PEA15: variants seen among roughly 807,000 people sequenced by gnomAD.
PEA15 encodes the protein astrocytic phosphoprotein PEA-15.
For missense variants in PEA15, 77 were observed against 161.3 expected (o/e 0.48, Z 2.83); for synonymous variants, 60 against 61.8 (o/e 0.97, Z 0.13).
Position 160,208,449 on chromosome 1 carries a change from G to T in PEA15, c.-3+2927G>T, listed in dbSNP as rs1654699667. 1.5e-6 allele frequency: 1 copy of T among 657,578 alleles called. No individual in the cohort carries two copies. The highest frequency in any genetic ancestry group is 2.6e-6 in the Non-Finnish European group (1 of 379,516). 40.7% of individuals were successfully genotyped at this position (657,578 alleles called of 1,614,324 possible). A position where few individuals can be genotyped will look rare whatever the true frequency, so the allele number is the denominator to read the frequency against. The stretch of plus-strand genomic sequence containing the variant: ...GCTCCGGTTCCTGATTCCTGCCCTG[G>T]TATCCTGTCCCAAGAATGGCCTCCG... On this transcript the variant is annotated intron_variant, in intron 1 of 3. Coordinates refer to ENST00000360472, the MANE Select transcript of PEA15 (RefSeq NM_003768.5). This position sits in a 1 kb window ranked among gnomAD's most constrained non-coding sequence, Gnocchi z 4.1.
chr1:160,212,646 A>G (rs1174581937), intron 2 of PEA15, among the ~76,000 whole-genome samples: 1 of 151,912 alleles, frequency 6.6e-6, no homozygotes, highest in Non-Finnish European at 1.5e-5. Context: ...ACCTTCTCTC[A>G]TTTAGAATAA....
chr1:160,214,505 T>A lies in PEA15; in HGVS notation c.*1019T>A, dbSNP rs904827115. ...CTGGCCCCCTGGGCTTGTGAACACC[T>A]CCTAGCCACATCACTACAGTACAGT... On this transcript the variant is annotated 3_prime_UTR_variant, in exon 4 of 4. Transcript: ENST00000360472. The A allele has an allele frequency of 5.2e-4, 79 of 152,466 alleles. No homozygotes were observed. Among genetic ancestry groups the A allele is most frequent in the African/African-American group, 1.8e-3 (73 of 41,360 alleles). 9.4% of individuals were successfully genotyped at this position (152,466 alleles called of 1,614,324 possible). A position where few individuals can be genotyped will look rare whatever the true frequency, so the allele number is the denominator to read the frequency against.
intron 2 of PEA15, among the ~76,000 whole-genome samples, chr1:160,212,251 G>T (rs1440763794): frequency 1.3e-5 from 2 of 152,058 alleles, no homozygotes; most frequent in Non-Finnish European, 2.9e-5. Flanking sequence ...TGAAAGGTGA[G>T]TGGGATTTCT....
At position 160,208,156 on chromosome 1, in the gene PEA15, A is replaced by G. The variant is rs1348970989; in HGVS notation, c.-3+2634A>G. On this transcript the variant is annotated intron_variant, in intron 1 of 3. Coordinates refer to ENST00000360472, the MANE Select transcript of PEA15 (RefSeq NM_003768.5). The surrounding 1 kb of genome is among the most constrained non-coding windows in gnomAD (Gnocchi z 4.1). ...TCCACAGGTGGTTATCCCAATTGCC[A>G]GGCTTCTCAAAGCACTCCCAGGGCC... 3.2e-5 allele frequency: 5 copies of G among 156,706 alleles called. No homozygotes were observed. The highest frequency in any genetic ancestry group is 7.0e-5 in the Non-Finnish European group (5 of 71,184). The allele number at this position is 156,706 out of a possible 1,614,324, so 9.7% of individuals were successfully genotyped here. A position where few individuals can be genotyped will look rare whatever the true frequency, so the allele number is the denominator to read the frequency against.
Position 160,211,376 on chromosome 1 carries a change from C to G in PEA15, c.-2-167C>G, listed in dbSNP as rs550963630. ...AGCTTCCCGTCTACCCTGACTGCCT[C>G]CCCTAGGTCTTCCTTTTCTCCCTCC... On this transcript the variant is annotated intron_variant, in intron 1 of 3. Coordinates refer to ENST00000360472, the MANE Select transcript of PEA15 (RefSeq NM_003768.5). 138 of 1,316,480 alleles carry G rather than the reference C, an allele frequency of 1.0e-4. No homozygotes were observed. In the African/African-American group the frequency reaches 1.4e-3, roughly 14 times the overall value. 81.5% of individuals were successfully genotyped at this position (1,316,480 alleles called of 1,614,324 possible).
At position 160,213,811 on chromosome 1, in the gene PEA15, C is replaced by A. The variant is rs188325001; in HGVS notation, c.*325C>A. 2.0e-3 allele frequency: 634 copies of A among 319,814 alleles called. 7 individuals carry two copies. Among genetic ancestry groups the A allele is most frequent in the African/African-American group, 0.012 (561 of 47,312 alleles). The allele number at this position is 319,814 out of a possible 1,614,324, so 19.8% of individuals were successfully genotyped here. On this transcript the variant is annotated 3_prime_UTR_variant, in exon 4 of 4. Transcript: ENST00000360472. The surrounding 1 kb of genome is among the most constrained non-coding windows in gnomAD (Gnocchi z 5.3). ...CCTACTTCCCTTTCCTCCACTCCCC[C>A]CATATCTTTAAAGTGTGGAAGCAGA...
rs1654529406 is a variant in PEA15, at chr1:160,205,543, A to C, written c.-3+21A>C. On this transcript the variant is annotated intron_variant, in intron 1 of 3. Transcript: ENST00000360472. The surrounding 1 kb of genome is among the most constrained non-coding windows in gnomAD (Gnocchi z 5.9). ...AGGCGGTGAGAGGGGCGGAGAGGAG[A>C]CATGTCGCGGGGAAGGGGCAGATTT... 1 of 154,896 alleles carries C rather than the reference A, an allele frequency of 6.5e-6. No homozygotes were observed. The highest frequency in any genetic ancestry group is 1.4e-5 in the Non-Finnish European group (1 of 69,500). The allele number at this position is 154,896 out of a possible 1,614,324, so 9.6% of individuals were successfully genotyped here.
intron 2 of PEA15, among the ~76,000 whole-genome samples, chr1:160,212,176 C>G (rs143171029): frequency 6.6e-6 from 1 of 152,132 alleles, no homozygotes; most frequent in East Asian, 1.9e-4. Flanking sequence ...GGAGTGGGAT[C>G]TATGGATTAG....
At position 160,213,328 on chromosome 1, in the gene PEA15, A is replaced by T. The variant is rs1654953443; in HGVS notation, c.328+63A>T. ...TCGTCCCGTTGACTATCCTTGGAGT[A>T]CTTGAGTTTTGGGAGAGTGGAGGCA... On this transcript the variant is annotated intron_variant, in intron 3 of 3. Transcript: ENST00000360472. This position sits in a 1 kb window ranked among gnomAD's most constrained non-coding sequence, Gnocchi z 5.3. 29 of 1,612,712 alleles carry T rather than the reference A, an allele frequency of 1.8e-5. No individual in the cohort carries two copies. The highest frequency in any genetic ancestry group is 2.5e-5 in the Non-Finnish European group (29 of 1,178,846).
intron 1 of PEA15, among the ~76,000 whole-genome samples, chr1:160,211,049 C>T (rs1314720407): frequency 2.0e-5 from 3 of 152,150 alleles, no homozygotes. Context: ...GAAGCTAGAA[C>T]ACATGAGTTC....
intron 2 of PEA15, among the ~76,000 whole-genome samples, chr1:160,212,489 G>A (rs74125504): frequency 0.016 from 2,437 of 152,138 alleles, 57 homozygotes; most frequent in African/African-American, 0.055. Context: ...TGTGTGGCTG[G>A]CAGGGAGAAC....
chr1:160,213,378 T>A lies in PEA15; in HGVS notation c.329-44T>A. 1.9e-6 allele frequency: 3 copies of A among 1,612,282 alleles called. No homozygotes were observed. Among genetic ancestry groups the A allele is most frequent in the Non-Finnish European group, 2.5e-6 (3 of 1,178,314 alleles). On this transcript the variant is annotated intron_variant, in intron 3 of 3. Coordinates refer to ENST00000360472, the MANE Select transcript of PEA15 (RefSeq NM_003768.5). The surrounding 1 kb of genome is among the most constrained non-coding windows in gnomAD (Gnocchi z 5.3). ...AGATGCCCAATGGGCCTGCCTGGCA[T>A]CTCCCACACTGCTGTCCCTGGACAC...
rs8192602 is a variant in PEA15 at position 160,211,719 on chromosome 1, G to C, written c.172+3G>C. 10 of 1,612,032 alleles carry C rather than the reference G, an allele frequency of 6.2e-6. No homozygotes were observed. The highest frequency in any genetic ancestry group is 3.3e-5 in the South Asian group (3 of 90,804). ...GAGCCACAACAAGCTGGACAAAGGT[G>C]GGGGAGGGGAGCACAGGGGTCCTGT... On this transcript the variant is annotated splice_donor_region_variant and intron_variant, in intron 2 of 3. Transcript: ENST00000360472.
intron 1 of PEA15, among the ~76,000 whole-genome samples, chr1:160,206,734 GCAAA>G (rs979351796): frequency 3.3e-5 from 5 of 152,118 alleles, no homozygotes; most frequent in African/African-American, 1.2e-4. Context: ...TCAGAGAAGT[GCAAA>G]CAGTGTTTGA....
At position 160,208,763 on chromosome 1, in the gene PEA15, C is replaced by A; in HGVS notation, c.-2-2780C>A. The A allele has an allele frequency of 9.2e-7, 1 of 1,082,550 alleles. No homozygotes were observed. Among genetic ancestry groups the A allele is most frequent in the Non-Finnish European group, 1.4e-6 (1 of 728,510 alleles). The allele number at this position is 1,082,550 out of a possible 1,614,324, so 67.1% of individuals were successfully genotyped here. A position where few individuals can be genotyped will look rare whatever the true frequency, so the allele number is the denominator to read the frequency against. On this transcript the variant is annotated intron_variant, in intron 1 of 3. Coordinates refer to ENST00000360472, the MANE Select transcript of PEA15 (RefSeq NM_003768.5). The surrounding 1 kb of genome is among the most constrained non-coding windows in gnomAD (Gnocchi z 4.1). ...TAAGGCCTAGGCAAATGGATCTCTC[C>A]AAGAAGGGAGGCAACTGGGCTGCCT...
At chr1:160,210,523 GA>G (rs1654825973) in intron 1 of PEA15, among the ~76,000 whole-genome samples, 1 of 152,220 alleles carries the variant, frequency 6.6e-6, no homozygotes, top group Non-Finnish European at 1.5e-5. Flanking sequence ...GGAAGGCCTT[GA>G]ATGTTCTCTA....
intron 1 of PEA15, among the ~76,000 whole-genome samples, chr1:160,206,534 G>A (rs1654598155): frequency 6.6e-6 from 1 of 152,134 alleles, no homozygotes; most frequent in African/African-American, 2.4e-5. Context: ...GGTAAGAGTG[G>A]CCAAGGGATG....
In PEA15 at chr1:160,205,611, G is replaced by A. The variant is rs906451139; in HGVS notation, c.-3+89G>A. 2 of 152,914 alleles carry A rather than the reference G, an allele frequency of 1.3e-5. No individual in the cohort carries two copies. The highest frequency in any genetic ancestry group is 2.4e-5 in the African/African-American group (1 of 41,466). The allele number at this position is 152,914 out of a possible 1,614,324, so 9.5% of individuals were successfully genotyped here. A position where few individuals can be genotyped will look rare whatever the true frequency, so the allele number is the denominator to read the frequency against. Reference sequence around the variant, plus strand: ...GGGGCAACGATCTGGGACACCGGGGGCCAGACGGGGAGTGTGGGGACCCCG... The same window carrying A: ...GGGGCAACGATCTGGGACACCGGGGACCAGACGGGGAGTGTGGGGACCCCG... On this transcript the variant is annotated intron_variant, in intron 1 of 3. Coordinates refer to ENST00000360472, the MANE Select transcript of PEA15 (RefSeq NM_003768.5). The surrounding 1 kb of genome is among the most constrained non-coding windows in gnomAD (Gnocchi z 5.9).
Position 160,213,042 on chromosome 1 carries a change from A to T in PEA15, c.173-68A>T, listed in dbSNP as rs995738364. The T allele has an allele frequency of 6.5e-7, 1 of 1,537,910 alleles. No homozygotes were observed. Among genetic ancestry groups the T allele is most frequent in the Non-Finnish European group, 9.0e-7 (1 of 1,113,542 alleles). On this transcript the variant is annotated intron_variant, in intron 2 of 3. Coordinates refer to ENST00000360472, the MANE Select transcript of PEA15 (RefSeq NM_003768.5). This position sits in a 1 kb window ranked among gnomAD's most constrained non-coding sequence, Gnocchi z 5.3. ...AACTCAGCTTTGGTTCCAGGTCACT[A>T]GTCTGGTGGAGTAGGGGAAGCTGAC...
Sources: allele counts gnomAD v4.1 joint callset (sites outside exome capture counted in the v4.1 genomes callset), GRCh38; gene constraint gnomAD v4.1.1; non-coding constraint Gnocchi (gnomAD v3.1); transcripts MANE v1.5; gene names NCBI Gene and HGNC (gene_info 2026-07-23, HGNC 2026-07-21).